Variants in LEMD3 observed in about 807,000 individuals in gnomAD.
LEMD3 encodes the protein inner nuclear membrane protein Man1.
Under a neutral mutation model 95.2 loss-of-function variants are expected in LEMD3, and 33 were observed. The ratio of observed to expected loss-of-function variants is 0.35; its 90% CI spans 0.26 to 0.46. LEMD3 has a LOEUF of 0.46. Ranked by LOEUF, LEMD3 falls within the 20% of genes least tolerant of loss-of-function variation. LEMD3 has a pLI of 1.00. For synonymous variants in LEMD3, 525 were observed against 474.6 expected, an observed-to-expected ratio of 1.11 and a Z score of -1.38; for missense variants, 1,210 against 1,192.8, an observed-to-expected ratio of 1.01 and a Z score of -0.21.
intron 4 of LEMD3, among the ~76,000 whole-genome samples, chr12:65,231,503 A>G (rs1038092775): frequency 1.8e-4 from 28 of 152,086 alleles, no homozygotes; most frequent in African/African-American, 5.8e-4. Context: ...TGGGGAACAT[A>G]GTGAGATCTT....
chr12:65,182,732 A>G (rs930341270), intron 1 of LEMD3, among the ~76,000 whole-genome samples: 4 of 152,206 alleles, frequency 2.6e-5, no homozygotes, highest in Non-Finnish European at 4.4e-5. Flanking sequence ...AATGGGTTAC[A>G]TTGCTTTAAT....
At chr12:65,190,454 G>A (rs1869203825) in intron 1 of LEMD3, among the ~76,000 whole-genome samples, 1 of 152,028 alleles carries the variant, frequency 6.6e-6, no homozygotes, top group Non-Finnish European at 1.5e-5. Context: ...CTACTTGGAG[G>A]CTTCATCTGC....
chr12:65,190,627 C>G (rs536065276), intron 1 of LEMD3, among the ~76,000 whole-genome samples: 1 of 152,132 alleles, frequency 6.6e-6, no homozygotes, highest in Admixed American at 6.6e-5. Context: ...TTACATGTTT[C>G]GATTGATGTA....
intron 4 of LEMD3, among the ~76,000 whole-genome samples, chr12:65,237,905 A>G (rs1870817697): frequency 6.6e-6 from 1 of 152,200 alleles, no homozygotes; most frequent in South Asian, 2.1e-4. Flanking sequence ...TTGTTCATCT[A>G]TAAATAATAT....
Position 65,217,459 on chromosome 12 carries a change from C to T in LEMD3, c.1628-1093C>T, listed in dbSNP as rs568586364. ...GGTACTTCTCCCCTTTTTATAGCTA[C>T]TGACATTAAAATGATTACTTGAACA... On this transcript the variant is annotated intron_variant, in intron 3 of 12. Transcript: ENST00000308330. Among the ~76,000 whole-genome samples the T allele has an allele frequency of 3.3e-5, 5 of 152,304 alleles. No homozygotes were observed. In the East Asian group the frequency reaches 9.6e-4, roughly 29 times the overall value.
At chr12:65,185,033 A>G (rs1397665666) in intron 1 of LEMD3, among the ~76,000 whole-genome samples, 1 of 152,028 alleles carries the variant, frequency 6.6e-6, no homozygotes, top group Non-Finnish European at 1.5e-5. Context: ...GCTAGCCTCA[A>G]GTAATTACTC....
chr12:65,190,315 AG>A (rs1869198497), intron 1 of LEMD3, among the ~76,000 whole-genome samples: 1 of 152,100 alleles, frequency 6.6e-6, no homozygotes, highest in East Asian at 1.9e-4. Flanking sequence ...CATGATGGGA[AG>A]TGGGGGTTGA....
chr12:65,240,354 G>GT (rs1032247401), intron 8 of LEMD3, 116 bp downstream of exon 8: 107 of 762,696 alleles, frequency 1.4e-4, no homozygotes, highest in Non-Finnish European at 1.8e-4. Flanking sequence ...TACTGCACAG[G>GT]TTTTTTTTGG....
chr12:65,175,849 A>G lies in LEMD3; in HGVS notation c.1522+4731A>G, dbSNP rs143545074. Among the ~76,000 whole-genome samples, 14 of 152,086 alleles carry G rather than the reference A, an allele frequency of 9.2e-5. No homozygotes were observed. In the East Asian group the frequency reaches 2.7e-3, roughly 29 times the overall value. On this transcript the variant is annotated intron_variant, in intron 1 of 12. Transcript: ENST00000308330. The stretch of plus-strand genomic sequence containing the variant: ...CAATACCATCTGACATTTTCTTTAT[A>G]TTTACCTTGTTTTTGCTCCTCCTCC...
At chr12:65,194,809 T>TAATTATACTTTAGATTATTATTTATA (rs1869361321) in intron 1 of LEMD3, among the ~76,000 whole-genome samples, 1 of 60,488 alleles carries the variant, frequency 1.7e-5, no homozygotes, top group African/African-American at 7.2e-5. Context: ...ACTATTATCT[T>TAATTATACTTTAGATTATTATTTATA]AATTATACTT....
chr12:65,178,038 A>G (rs1028348043), intron 1 of LEMD3, among the ~76,000 whole-genome samples: 2 of 151,850 alleles, frequency 1.3e-5, no homozygotes, highest in African/African-American at 4.8e-5. Flanking sequence ...TTGAGACAGG[A>G]TCTCACTTTG....
chr12:65,199,329 CTT>C (rs1490613791), intron 1 of LEMD3, among the ~76,000 whole-genome samples: 12 of 152,000 alleles, frequency 7.9e-5, no homozygotes, highest in Middle Eastern at 3.2e-3. Context: ...AATGATCTAA[CTT>C]TCTAATTTAG....
intron 1 of LEMD3, among the ~76,000 whole-genome samples, chr12:65,175,690 A>G (rs868864380): frequency 6.6e-6 from 1 of 151,990 alleles, no homozygotes; most frequent in South Asian, 2.1e-4. Flanking sequence ...TTTTGCACAC[A>G]TTTCTCTAGG....
At chr12:65,174,711 C>T (rs146688945) in intron 1 of LEMD3, among the ~76,000 whole-genome samples, 219 of 151,868 alleles carry the variant, frequency 1.4e-3, no homozygotes, top group Middle Eastern at 6.8e-3. Context: ...ACTATGTGCC[C>T]GGTATTATTT....
chr12:65,229,073 T>G (rs1402497280), intron 4 of LEMD3, among the ~76,000 whole-genome samples: 1 of 152,140 alleles, frequency 6.6e-6, no homozygotes, highest in Non-Finnish European at 1.5e-5. Flanking sequence ...AAAGGTAAAA[T>G]AAGCCAAGTT....
At chr12:65,194,857 T>TTATAAATTATAATTTAGATTATAATTA (rs1565784624) in intron 1 of LEMD3, among the ~76,000 whole-genome samples, 4 of 148,392 alleles carry the variant, frequency 2.7e-5, no homozygotes, top group Admixed American at 6.7e-5. Context: ...AGATTATAAT[T>TTATAAATTATAATTTAGATTATAATTA]TATAAATTAT....
chr12:65,223,159 A>G (rs548631945), intron 4 of LEMD3, among the ~76,000 whole-genome samples: 5 of 152,250 alleles, frequency 3.3e-5, no homozygotes, highest in South Asian at 2.1e-4. Context: ...CATTTGATCT[A>G]TAATTGTTGT....
chr12:65,171,269 TAAAG>T lies in LEMD3; in HGVS notation c.1522+154_1522+157del, dbSNP rs377139156. The T allele has an allele frequency of 2.7e-5, 36 of 1,350,904 alleles. No homozygotes were observed. The Admixed American group carries it at 5.6e-4, about 21-fold the overall frequency. The allele number at this position is 1,350,904 out of a possible 1,614,324, so 83.7% of individuals were successfully genotyped here. On this transcript the variant is annotated intron_variant, in intron 1 of 12. Coordinates refer to ENST00000308330, the MANE Select transcript of LEMD3 (RefSeq NM_014319.5). Reference sequence around the variant, plus strand: ...CAGTGCGTGCATGTGTCATCTTTCTTAAAGAACACCATTATCGAAATGATGTCAT... The same window carrying T: ...CAGTGCGTGCATGTGTCATCTTTCTTAACACCATTATCGAAATGATGTCAT...
chr12:65,240,030 G>T lies in LEMD3; in HGVS notation c.2023G>T (p.Asp675Tyr), dbSNP rs1420242963. 2 of 1,588,604 alleles carry T rather than the reference G, an allele frequency of 1.3e-6. No individual in the cohort carries two copies. ...GTATGATATGGTGGTAAAGATTATA[G>T]GTATGATATTTGTAAGAATCTCAAC... ...QMYDMVVKII[D>Y]VLRSHNEACQ... is the part of the protein sequence containing the mutation. Residue 675 changes from aspartate to tyrosine, a missense_variant and splice_region_variant, in exon 7 of 13, where the codon GAT becomes TAT. Physicochemically the swap from Asp to Tyr is radical, Grantham distance 160. This residue lies in a region of LEMD3 where 461 missense variants were observed against 569.8 expected (regional missense o/e 0.81). Coordinates refer to ENST00000308330, the MANE Select transcript of LEMD3 (RefSeq NM_014319.5).
Sources: gnomAD v4.1 joint callset for allele counts (sites outside exome capture counted in the v4.1 genomes callset) on GRCh38, gnomAD v4.1.1 for gene constraint, gnomAD v4.1.1 regional missense constraint, MANE v1.5 for transcripts, NCBI Gene and HGNC (gene_info 2026-07-23, HGNC 2026-07-21) for gene names.